Variants in OR52K1 observed in about 807,000 individuals in gnomAD.
The protein encoded by OR52K1 is olfactory receptor family 52 subfamily K member 1.
Under a neutral mutation model 8.7 loss-of-function variants are expected in OR52K1, and 10 were observed. That is an observed-to-expected ratio of 1.15 (90% confidence interval 0.71 to 1.95). The LOEUF (loss-of-function observed/expected upper bound fraction) is 1.95, where lower values mean the gene tolerates loss of function less well. OR52K1 is among the 30% of genes most tolerant of loss of function. The pLI is 0.00. For synonymous variants in OR52K1, 203 were observed against 148.5 expected (o/e 1.37, Z -2.67); for missense variants, 431 against 397.2 (o/e 1.08, Z -0.72).
chr11:4,489,043 T>A lies in OR52K1; in HGVS notation c.143T>A (p.Leu48His). 1 of 1,614,184 alleles carries A rather than the reference T, an allele frequency of 6.2e-7. No individual in the cohort carries two copies. The highest frequency in any genetic ancestry group is 8.5e-7 in the Non-Finnish European group (1 of 1,179,996). The change falls in exon 2 of 2, where the codon CTC (leucine) becomes CAC (histidine). Residue 48 changes from leucine (L) to histidine (H), a missense_variant. Transcript: ENST00000641528. Reference sequence around the variant, plus strand: ...GCCCTGCTAGGCAACTGTACCCTTCTCTTCATTATCCAGGCTGATGCAGCC... The same window carrying A: ...GCCCTGCTAGGCAACTGTACCCTTCACTTCATTATCCAGGCTGATGCAGCC... ...TLALLGNCTL[L>H]FIIQADAALH...
chr11:4,485,853 G>A (rs916858923), intron 1 of OR52K1, among the ~76,000 whole-genome samples: 1 of 152,194 alleles, frequency 6.6e-6, no homozygotes, highest in African/African-American at 2.4e-5. Context: ...GTGGGGCCCT[G>A]TGTGATTTGG....
rs1014763879 is a variant in OR52K1, at chr11:4,482,920, T to C, written c.-585T>C. 1.3e-5 allele frequency: 5 copies of C among 385,286 alleles called. No individual in the cohort carries two copies. Among genetic ancestry groups the C allele is most frequent in the Non-Finnish European group, 1.8e-5 (4 of 218,176 alleles). 23.9% of individuals were successfully genotyped at this position (385,286 alleles called of 1,614,324 possible). A position where few individuals can be genotyped will look rare whatever the true frequency, so the allele number is the denominator to read the frequency against. ...TCAATAGAGGGAACAGAAGTCTCGA[T>C]AGTCCCACCCAACTGTTTGGTACAC... On this transcript the variant is annotated 5_prime_UTR_variant, in exon 1 of 2. Transcript: ENST00000641528.
chr11:4,488,249 TCACTAG>T (rs1846336403), intron 1 of OR52K1, among the ~76,000 whole-genome samples: 1 of 152,272 alleles, frequency 6.6e-6, no homozygotes, highest in East Asian at 1.9e-4. Context: ...TTCTTGGTAG[TCACTAG>T]TCACATGTGG....
In OR52K1 at chr11:4,489,035, T is replaced by C; in HGVS notation, c.135T>C (p.Cys45=). The change falls in exon 2 of 2, where the codon TGT becomes TGC. Residue 45 remains cysteine, a synonymous_variant. Transcript: ENST00000641528. ...ATACTCTGGCCCTGCTAGGCAACTG[T>C]ACCCTTCTCTTCATTATCCAGGCTG... ...FAYTLALLGN[C]TLLFIIQADA... The C allele has an allele frequency of 1.2e-6, 2 of 1,614,146 alleles. No individual in the cohort carries two copies. The highest frequency in any genetic ancestry group is 1.7e-6 in the Non-Finnish European group (2 of 1,179,964).
Position 4,491,344 on chromosome 11 carries a change from A to G in OR52K1, c.*1499A>G, listed in dbSNP as rs923605898. The G allele has an allele frequency of 6.6e-6, 1 of 152,214 alleles. No individual in the cohort carries two copies. Among genetic ancestry groups the G allele is most frequent in the Non-Finnish European group, 1.5e-5 (1 of 68,040 alleles). The allele number at this position is 152,214 out of a possible 1,614,324, so 9.4% of individuals were successfully genotyped here. ...TTATATACTGCTGGTAGGAGTGTAA[A>G]TTATTTCACCCATTATGGAAAGCAG... On this transcript the variant is annotated 3_prime_UTR_variant, in exon 2 of 2. Transcript: ENST00000641528.
In OR52K1 at chr11:4,492,365, A is replaced by G. The variant is rs374577270; in HGVS notation, c.*2520A>G. On this transcript the variant is annotated 3_prime_UTR_variant, in exon 2 of 2. Transcript: ENST00000641528. ...AATAAGCGTATCACAGCCTAGACTC[A>G]TGATGAAGATCCATGGAGCAGATGT... 1.3e-5 allele frequency: 2 copies of G among 152,328 alleles called. No homozygotes were observed. The highest frequency in any genetic ancestry group is 2.4e-5 in the African/African-American group (1 of 41,574). The allele number at this position is 152,328 out of a possible 1,614,324, so 9.4% of individuals were successfully genotyped here.
chr11:4,483,102 C>CAT lies in OR52K1; in HGVS notation c.-402_-401dup. 2 of 398,544 alleles carry CAT rather than the reference C, an allele frequency of 5.0e-6. No homozygotes were observed. Among genetic ancestry groups the CAT allele is most frequent in the Non-Finnish European group, 8.8e-6 (2 of 226,012 alleles). The allele number at this position is 398,544 out of a possible 1,614,324, so 24.7% of individuals were successfully genotyped here. The stretch of plus-strand genomic sequence containing the variant: ...TTTTTCTAACCCCTGGCAAATGCCC[C>CAT]ATCCCAGTTAAAGGGCTTCTGCATT... On this transcript the variant is annotated 5_prime_UTR_variant, in exon 1 of 2. It removes the in-frame stop codon of an upstream open reading frame in the 5' UTR. Transcript: ENST00000641528.
At position 4,489,883 on chromosome 11, in the gene OR52K1, A is replaced by G; in HGVS notation, c.*38A>G. 2.1e-6 allele frequency: 3 copies of G among 1,425,064 alleles called. No individual in the cohort carries two copies. Among genetic ancestry groups the G allele is most frequent in the Non-Finnish European group, 2.9e-6 (3 of 1,042,180 alleles). 88.3% of individuals were successfully genotyped at this position (1,425,064 alleles called of 1,614,324 possible). The stretch of plus-strand genomic sequence containing the variant: ...CTTTTTTTATCCCACTTGCCAAGTA[A>G]TGAGAATGCTGGATTGGGGTTGAGG... On this transcript the variant is annotated 3_prime_UTR_variant, in exon 2 of 2. Coordinates refer to ENST00000641528, the MANE Select transcript of OR52K1 (RefSeq NM_001005171.3).
chr11:4,492,190 G>C lies in OR52K1; in HGVS notation c.*2345G>C, dbSNP rs1846381403. 6.6e-6 allele frequency: 1 copy of C among 152,180 alleles called. No homozygotes were observed. The highest frequency in any genetic ancestry group is 2.1e-4 in the South Asian group (1 of 4,816). The allele number at this position is 152,180 out of a possible 1,614,324, so 9.4% of individuals were successfully genotyped here. A position where few individuals can be genotyped will look rare whatever the true frequency, so the allele number is the denominator to read the frequency against. On this transcript the variant is annotated 3_prime_UTR_variant, in exon 2 of 2. Coordinates refer to ENST00000641528, the MANE Select transcript of OR52K1 (RefSeq NM_001005171.3). Reference sequence around the variant, plus strand: ...CCCCTCTGCTGCAAAACCCAGCAAAGTTCCAGTTAGAGGCTGTGACAAAGC... The same window carrying C: ...CCCCTCTGCTGCAAAACCCAGCAAACTTCCAGTTAGAGGCTGTGACAAAGC...
rs1023842730 is a variant in OR52K1 at position 4,491,073 on chromosome 11, C to T, written c.*1228C>T. 1 of 152,146 alleles carries T rather than the reference C, an allele frequency of 6.6e-6. No individual in the cohort carries two copies. Among genetic ancestry groups the T allele is most frequent in the Non-Finnish European group, 1.5e-5 (1 of 68,024 alleles). The allele number at this position is 152,146 out of a possible 1,614,324, so 9.4% of individuals were successfully genotyped here. The stretch of plus-strand genomic sequence containing the variant: ...CACATTTCTCAGAATGTATCCCCAT[C>T]ATTAAGCAATGCATGACTAGTTAGA... On this transcript the variant is annotated 3_prime_UTR_variant, in exon 2 of 2. Transcript: ENST00000641528.
chr11:4,492,011 G>A lies in OR52K1; in HGVS notation c.*2166G>A, dbSNP rs544441447. 4 of 151,716 alleles carry A rather than the reference G, an allele frequency of 2.6e-5. No homozygotes were observed. Among genetic ancestry groups the A allele is most frequent in the Admixed American group, 6.6e-5 (1 of 15,232 alleles). The allele number at this position is 151,716 out of a possible 1,614,324, so 9.4% of individuals were successfully genotyped here. A position where few individuals can be genotyped will look rare whatever the true frequency, so the allele number is the denominator to read the frequency against. On this transcript the variant is annotated 3_prime_UTR_variant, in exon 2 of 2. Transcript: ENST00000641528. ...GAAGTTGCCTGGTCCATATAGACAC[G>A]TGTTATTGCAGAGGTGTGTGATACA...
At chr11:4,487,058 T>G (rs1016375511) in intron 1 of OR52K1, among the ~76,000 whole-genome samples, 1 of 152,154 alleles carries the variant, frequency 6.6e-6, no homozygotes, top group African/African-American at 2.4e-5. Flanking sequence ...ATGGAGGTCA[T>G]TGATTGTCAC....
chr11:4,484,563 T>C (rs1846305102), intron 1 of OR52K1, among the ~76,000 whole-genome samples: 1 of 152,156 alleles, frequency 6.6e-6, no homozygotes, highest in Admixed American at 6.5e-5. Context: ...AGGTTTGACA[T>C]ATCTGTGAGG....
Position 4,492,941 on chromosome 11 carries a change from G to T in OR52K1, c.*3096G>T, listed in dbSNP as rs756667911. 3 of 177,778 alleles carry T rather than the reference G, an allele frequency of 1.7e-5. No individual in the cohort carries two copies. In the South Asian group the frequency reaches 4.6e-4, roughly 27 times the overall value. 11.0% of individuals were successfully genotyped at this position (177,778 alleles called of 1,614,324 possible). A position where few individuals can be genotyped will look rare whatever the true frequency, so the allele number is the denominator to read the frequency against. On this transcript the variant is annotated 3_prime_UTR_variant, in exon 2 of 2. Coordinates refer to ENST00000641528, the MANE Select transcript of OR52K1 (RefSeq NM_001005171.3). ...ATTGGATACAAGGCAAAAGGGGCAGGGTAAAGAGTGTGAGTCATCTCCAAT... is the reference window on the plus strand; with the variant it reads ...ATTGGATACAAGGCAAAAGGGGCAGTGTAAAGAGTGTGAGTCATCTCCAAT...
rs1408044818 is a variant in OR52K1 at position 4,493,038 on chromosome 11, G to A, written c.*3193G>A. ...TTCCCTGTTTGGCAGCCAAGAAGGA[G>A]AGAGAGAGAGGACAGCTTACACCAT... On this transcript the variant is annotated 3_prime_UTR_variant, in exon 2 of 2. Coordinates refer to ENST00000641528, the MANE Select transcript of OR52K1 (RefSeq NM_001005171.3). The A allele has an allele frequency of 2.0e-5, 3 of 153,372 alleles. No individual in the cohort carries two copies. Among genetic ancestry groups the A allele is most frequent in the African/African-American group, 7.2e-5 (3 of 41,448 alleles). 9.5% of individuals were successfully genotyped at this position (153,372 alleles called of 1,614,324 possible). A position where few individuals can be genotyped will look rare whatever the true frequency, so the allele number is the denominator to read the frequency against.
In OR52K1 at chr11:4,490,948, C is replaced by T. The variant is rs1352451649; in HGVS notation, c.*1103C>T. The T allele has an allele frequency of 1.3e-5, 2 of 152,178 alleles. No homozygotes were observed. Among genetic ancestry groups the T allele is most frequent in the Admixed American group, 6.5e-5 (1 of 15,280 alleles). The allele number at this position is 152,178 out of a possible 1,614,324, so 9.4% of individuals were successfully genotyped here. A position where few individuals can be genotyped will look rare whatever the true frequency, so the allele number is the denominator to read the frequency against. On this transcript the variant is annotated 3_prime_UTR_variant, in exon 2 of 2. Coordinates refer to ENST00000641528, the MANE Select transcript of OR52K1 (RefSeq NM_001005171.3). Reference sequence around the variant, plus strand: ...TATTGGGTTTGTAGCCTAGGAGCAACAGGCTATACCATATAGCTTAGGTGT... The same window carrying T: ...TATTGGGTTTGTAGCCTAGGAGCAATAGGCTATACCATATAGCTTAGGTGT...
chr11:4,492,836 G>T lies in OR52K1; in HGVS notation c.*2991G>T. On this transcript the variant is annotated 3_prime_UTR_variant, in exon 2 of 2. Coordinates refer to ENST00000641528, the MANE Select transcript of OR52K1 (RefSeq NM_001005171.3). ...AAGACAAAAGATAAAGAGAAGAAAA[G>T]ACAGCTGGGCCTGGGGGACCAGTAC... is the stretch of plus-strand genomic sequence containing the variant. 5.5e-6 allele frequency: 1 copy of T among 183,288 alleles called. No individual in the cohort carries two copies. The highest frequency in any genetic ancestry group is 1.4e-4 in the South Asian group (1 of 7,370). The allele number at this position is 183,288 out of a possible 1,614,324, so 11.4% of individuals were successfully genotyped here. A position where few individuals can be genotyped will look rare whatever the true frequency, so the allele number is the denominator to read the frequency against.
rs974681535 is a variant in OR52K1 at position 4,488,987 on chromosome 11, C to A, written c.87C>A (p.Ile29=). 1 of 1,614,174 alleles carries A rather than the reference C, an allele frequency of 6.2e-7. No homozygotes were observed. Among genetic ancestry groups the A allele is most frequent in the East Asian group, 2.2e-5 (1 of 44,890 alleles). The change falls in exon 2 of 2, where the codon ATC becomes ATA. Residue 29 remains isoleucine, a synonymous_variant. Coordinates refer to ENST00000641528, the MANE Select transcript of OR52K1 (RefSeq NM_001005171.3). ...GTTTGGAACACCTGCATGCCTGGAT[C>A]TCCATCCCCTTCTGCTTTGCTTATA... ...IPGLEHLHAW[I]SIPFCFAYTL...
intron 1 of OR52K1, among the ~76,000 whole-genome samples, chr11:4,487,141 G>A (rs1012713800): frequency 5.9e-5 from 9 of 152,304 alleles, no homozygotes; most frequent in African/African-American, 2.2e-4. Context: ...TTATCCTTGA[G>A]AGAGTTGAGA....
Sources: gnomAD v4.1 joint callset for allele counts (sites outside exome capture counted in the v4.1 genomes callset) on GRCh38, gnomAD v4.1.1 for gene constraint, MANE v1.5 for transcripts, NCBI Gene and HGNC (gene_info 2026-07-23, HGNC 2026-07-21) for gene names.